The following BAZ1B variants were observed in gnomAD, a reference collection of about 807,000 sequenced individuals.
The protein encoded by BAZ1B is bromodomain adjacent to zinc finger domain 1B, also known as tyrosine-protein kinase BAZ1B.
Under a neutral mutation model 153.8 loss-of-function variants are expected in BAZ1B, and 22 were observed. The ratio of observed to expected loss-of-function variants is 0.14; its 90% CI spans 0.10 to 0.20. BAZ1B has a LOEUF of 0.20. Among genes scored for constraint, BAZ1B ranks in the 10% least tolerant of loss-of-function variants. BAZ1B has a pLI of 1.00. For synonymous variants in BAZ1B, 676 were observed against 633.4 expected (o/e 1.07, Z -1.01); for missense variants, 1,325 against 1,799.3 (o/e 0.74, Z 4.77).
intron 1 of BAZ1B, among the ~76,000 whole-genome samples, chr7:73,519,282 T>C (rs1790934980): frequency 6.6e-6 from 1 of 152,190 alleles, no homozygotes; most frequent in Non-Finnish European, 1.5e-5. Flanking sequence ...AAAACATAAT[T>C]GTAAATATAA....
At chr7:73,480,038 G>A (rs529608340) in intron 6 of BAZ1B, among the ~76,000 whole-genome samples, 5 of 151,922 alleles carry the variant, frequency 3.3e-5, no homozygotes, top group East Asian at 3.9e-4. Flanking sequence ...GCATGGTGGC[G>A]GGTGCCTGTA....
intron 3 of BAZ1B, among the ~76,000 whole-genome samples, chr7:73,504,095 T>C (rs1178240233): frequency 5.3e-5 from 8 of 152,246 alleles, no homozygotes; most frequent in Admixed American, 2.0e-4. Context: ...CTTTCCTTGT[T>C]AAGTTTTCCT....
intron 1 of BAZ1B, among the ~76,000 whole-genome samples, chr7:73,519,850 T>A (rs370155404): frequency 6.6e-6 from 1 of 152,094 alleles, no homozygotes; most frequent in Non-Finnish European, 1.5e-5. Context: ...ATTAATGACA[T>A]TGGAAAAGTA....
At position 73,477,742 on chromosome 7, in the gene BAZ1B, T is replaced by C. The variant is rs1322645896; in HGVS notation, c.1719A>G (p.Arg573=). The change falls in exon 7 of 20, where the codon AGA becomes AGG. Residue 573 remains arginine, a synonymous_variant. Coordinates refer to ENST00000339594, the MANE Select transcript of BAZ1B (RefSeq NM_032408.4). This position sits in a 1 kb window ranked among gnomAD's most constrained non-coding sequence, Gnocchi z 5.6. ...CCTCATACCGCTTCTGTTTTTCTAA[T>C]CTCTCAAGCATTTCTTTCTCTCTTC... is the stretch of plus-strand genomic sequence containing the variant. The part of the protein sequence containing the change: ...KERREKEMLE[R]LEKQKRYEDQ... The C allele has an allele frequency of 6.2e-7, 1 of 1,614,114 alleles. No homozygotes were observed. Among genetic ancestry groups the C allele is most frequent in the Non-Finnish European group, 8.5e-7 (1 of 1,180,054 alleles).
At chr7:73,491,702 A>G (rs1583929656) in intron 5 of BAZ1B, among the ~76,000 whole-genome samples, 1 of 152,242 alleles carries the variant, frequency 6.6e-6, no homozygotes, top group African/African-American at 2.4e-5. Context: ...ACTTGTCAGC[A>G]TTCTGAGGCA....
At chr7:73,508,544 A>G in intron 2 of BAZ1B, 73 bp from the exon 3 acceptor site, 2 of 1,455,688 alleles carry the variant, frequency 1.4e-6, no homozygotes, top group Admixed American at 2.2e-5. Context: ...GTCAATTCAA[A>G]CATTTCTTTC....
At position 73,521,900 on chromosome 7, in the gene BAZ1B, G is replaced by A. The variant is rs1463050205; in HGVS notation, c.34C>T (p.Leu12=). Residue 12 remains leucine (L), a synonymous_variant, in exon 1 of 20, where the codon CTG becomes TTG. Transcript: ENST00000339594. The part of the protein sequence containing the change: ...APLLGRKPFP[L]VKPLPGEEPL... ...TCCTCTCCGGGCAACGGCTTCACCA[G>A]CGGGAAGGGCTTGCGGCCCAGGAGC... 2.0e-6 allele frequency: 3 copies of A among 1,496,636 alleles called. No homozygotes were observed. The highest frequency in any genetic ancestry group is 2.7e-6 in the Non-Finnish European group (3 of 1,118,552). The allele number at this position is 1,496,636 out of a possible 1,614,324, so 92.7% of individuals were successfully genotyped here.
chr7:73,442,154 G>GC, intron 19 of BAZ1B, 27 bp downstream of exon 19: 3 of 289,216 alleles, frequency 1.0e-5, no homozygotes, highest in Non-Finnish European at 2.0e-5. Context: ...ACCCTCCCTA[G>GC]CTGTCCCCCC....
At position 73,522,151 on chromosome 7, in the gene BAZ1B, C is replaced by G. The variant is rs1302864479; in HGVS notation, c.-218G>C. On this transcript the variant is annotated 5_prime_UTR_variant, in exon 1 of 20. Transcript: ENST00000339594. ...CGCAGAGCTCCCGCGCACACCGCCG[C>G]GCCTCCCAGCAGCCCCCCGCCGACC... The G allele has an allele frequency of 2.5e-6, 1 of 398,588 alleles. No individual in the cohort carries two copies. Among genetic ancestry groups the G allele is most frequent in the Non-Finnish European group, 4.4e-6 (1 of 226,972 alleles). 24.7% of individuals were successfully genotyped at this position (398,588 alleles called of 1,614,324 possible).
chr7:73,486,790 T>G (rs111363517), intron 6 of BAZ1B, among the ~76,000 whole-genome samples: 14 of 152,356 alleles, frequency 9.2e-5, no homozygotes, highest in African/African-American at 3.4e-4. Context: ...TGATCAACTT[T>G]AATCCTCAAC....
At position 73,463,040 on chromosome 7, in the gene BAZ1B, G is replaced by T; in HGVS notation, c.3131C>A (p.Ser1044Tyr). The T allele has an allele frequency of 6.2e-7, 1 of 1,614,026 alleles. No homozygotes were observed. The highest frequency in any genetic ancestry group is 8.5e-7 in the Non-Finnish European group (1 of 1,179,954). Reference protein sequence around the residue: ...LARKPNLGLKSCDGNQELLNF... With the variant: ...LARKPNLGLKYCDGNQELLNF... ...TAAAAGCTCCTGGTTGCCATCACAA[G>T]ATTTTAGACCCAAATTTGGCTTCCG... Residue 1044 changes from serine (S) to tyrosine (Y), a missense_variant, in exon 12 of 20, where the codon TCT (serine) becomes TAT (tyrosine). Ser to Tyr is a moderately radical substitution (Grantham distance 144). Transcript: ENST00000339594.
At chr7:73,462,431 A>C (rs1464544598) in intron 12 of BAZ1B, 4 of 162,128 alleles carry the variant, frequency 2.5e-5, no homozygotes, top group Non-Finnish European at 5.5e-5. Flanking sequence ...GGATCTTTTG[A>C]AAAGTTTCAC....
chr7:73,459,497 C>A, intron 13 of BAZ1B, 39 bp downstream of exon 13: 2 of 1,592,450 alleles, frequency 1.3e-6, no homozygotes, highest in South Asian at 2.3e-5. Context: ...ATCAACTCAT[C>A]TACGGAATCA....
chr7:73,492,025 C>G (rs551929960), intron 5 of BAZ1B, among the ~76,000 whole-genome samples: 1 of 137,112 alleles, frequency 7.3e-6, no homozygotes, highest in African/African-American at 2.7e-5. Flanking sequence ...GAGTCTCGCT[C>G]TATGTTGCCC....
intron 6 of BAZ1B, among the ~76,000 whole-genome samples, chr7:73,479,235 G>A (rs965797249): frequency 1.3e-5 from 2 of 151,990 alleles, no homozygotes; most frequent in Admixed American, 1.3e-4. Context: ...CTGGCCAGGC[G>A]CAGTGGCTCA....
intron 7 of BAZ1B, among the ~76,000 whole-genome samples, chr7:73,475,198 T>C (rs945516251): frequency 6.6e-6 from 1 of 152,250 alleles, no homozygotes; most frequent in African/African-American, 2.4e-5. Context: ...CATAATCATA[T>C]GACCCAACAA....
chr7:73,450,701 G>T lies in BAZ1B; in HGVS notation c.3580+146C>A. ...CCCTGGCACGACATTTCAAAGACTG[G>T]CATGTTACAGACCTGCAGGAGAGTA... On this transcript the variant is annotated intron_variant, in intron 14 of 19. Transcript: ENST00000339594. This position sits in a 1 kb window ranked among gnomAD's most constrained non-coding sequence, Gnocchi z 4.1. 1 of 875,442 alleles carries T rather than the reference G, an allele frequency of 1.1e-6. No individual in the cohort carries two copies. Among genetic ancestry groups the T allele is most frequent in the Non-Finnish European group, 1.7e-6 (1 of 581,866 alleles). The allele number at this position is 875,442 out of a possible 1,614,324, so 54.2% of individuals were successfully genotyped here.
intron 3 of BAZ1B, among the ~76,000 whole-genome samples, chr7:73,502,429 G>A (rs548131012): frequency 6.6e-6 from 1 of 151,500 alleles, no homozygotes; most frequent in South Asian, 2.1e-4. Context: ...CACCATACAG[G>A]TTAAAATACT....
chr7:73,494,049 C>T (rs1165573465), intron 4 of BAZ1B, among the ~76,000 whole-genome samples: 3 of 152,064 alleles, frequency 2.0e-5, no homozygotes, highest in Non-Finnish European at 4.4e-5. Context: ...CAATGACAGA[C>T]TGTGGCTGTA....
Sources: gnomAD v4.1 joint callset for allele counts (sites outside exome capture counted in the v4.1 genomes callset) on GRCh38, gnomAD v4.1.1 for gene constraint, Gnocchi (gnomAD v3.1) non-coding constraint, MANE v1.5 for transcripts, NCBI Gene and HGNC (gene_info 2026-07-23, HGNC 2026-07-21) for gene names.